The following CADM2 variants were observed in gnomAD, a reference collection of about 807,000 sequenced individuals.
The protein encoded by CADM2 is immunoglobulin superfamily member 4D.
A neutral mutation model predicts 49.8 loss-of-function variants in CADM2; 12 were observed. The ratio of observed to expected loss-of-function variants is 0.24; its 90% CI spans 0.15 to 0.39. The LOEUF is 0.39. CADM2 is among the 10% of genes least tolerant of loss of function. CADM2 has a pLI of 1.00. For missense variants in CADM2, 378 were observed against 492.3 expected, an observed-to-expected ratio of 0.77 and a Z score of 2.20; for synonymous variants, 214 against 175.4, an observed-to-expected ratio of 1.22 and a Z score of -1.74.
At chr3:85,205,016 TA>T (rs1287744935) in intron 1 of CADM2, among the ~76,000 whole-genome samples, 3 of 150,668 alleles carry the variant, frequency 2.0e-5, no homozygotes, top group African/African-American at 4.9e-5. Flanking sequence ...CTACTTTACT[TA>T]ATTTTTTTTT....
At position 85,044,140 on chromosome 3, in the gene CADM2, T is replaced by C. The variant is rs187561276; in HGVS notation, c.61+84472T>C. Among the ~76,000 whole-genome samples the C allele has an allele frequency of 2.6e-5, 4 of 152,274 alleles. No homozygotes were observed. The East Asian group carries it at 7.7e-4, about 29-fold the overall frequency. ...TATTGCCAACCAAAACATCTGTCCT[T>C]CCACCTAATACTACAAATGATCCTG... On this transcript the variant is annotated intron_variant, in intron 1 of 9. Coordinates refer to ENST00000383699, the MANE Select transcript of CADM2 (RefSeq NM_001167675.2).
chr3:85,042,775 T>G (rs2035493976), intron 1 of CADM2, among the ~76,000 whole-genome samples: 1 of 152,154 alleles, frequency 6.6e-6, no homozygotes, highest in Non-Finnish European at 1.5e-5. Context: ...AAGAAAGGTA[T>G]TATAAAATGG....
intron 1 of CADM2, among the ~76,000 whole-genome samples, chr3:85,581,202 AC>A (rs1411052929): frequency 6.6e-6 from 1 of 152,126 alleles, no homozygotes; most frequent in Non-Finnish European, 1.5e-5. Context: ...TTCTTTTAAA[AC>A]TTTTCAATGT....
chr3:85,764,178 T>C (rs940738166), intron 2 of CADM2, among the ~76,000 whole-genome samples: 1 of 143,846 alleles, frequency 7.0e-6, no homozygotes, highest in African/African-American at 2.4e-5. Flanking sequence ...AGTACTATAT[T>C]ATAAGGATTT....
chr3:85,424,905 C>G (rs976127610), intron 1 of CADM2, among the ~76,000 whole-genome samples: 3 of 151,946 alleles, frequency 2.0e-5, no homozygotes, highest in Non-Finnish European at 2.9e-5. Context: ...TATATACTAG[C>G]CTTGATATAA....
intron 1 of CADM2, among the ~76,000 whole-genome samples, chr3:85,484,304 C>G (rs1417848707): frequency 1.3e-5 from 2 of 151,882 alleles, no homozygotes; most frequent in Admixed American, 6.6e-5. Flanking sequence ...TCTGTATTAA[C>G]ACAGGAATAA....
intron 1 of CADM2, among the ~76,000 whole-genome samples, chr3:85,201,667 G>T (rs1255711952): frequency 6.6e-6 from 1 of 152,154 alleles, no homozygotes; most frequent in Non-Finnish European, 1.5e-5. Context: ...CCCTACCACT[G>T]CTTTGATAGC....
intron 1 of CADM2, among the ~76,000 whole-genome samples, chr3:85,078,985 C>G (rs540456453): frequency 1.7e-4 from 26 of 151,702 alleles, no homozygotes; most frequent in Non-Finnish European, 2.7e-4. Flanking sequence ...TATAAGTGAT[C>G]TCATTTTACT....
chr3:85,043,028 A>G (rs2035502983), intron 1 of CADM2, among the ~76,000 whole-genome samples: 1 of 152,144 alleles, frequency 6.6e-6, no homozygotes, highest in African/African-American at 2.4e-5. Context: ...AAATGACAAC[A>G]CAAAGGCATT....
At chr3:85,164,603 A>G (rs1157008613) in intron 1 of CADM2, among the ~76,000 whole-genome samples, 1 of 152,042 alleles carries the variant, frequency 6.6e-6, no homozygotes, top group African/African-American at 2.4e-5. Context: ...TTAGGCAGAC[A>G]TCTCCTGAGA....
At chr3:84,975,772 T>C (rs1219587036) in intron 1 of CADM2, among the ~76,000 whole-genome samples, 1 of 151,884 alleles carries the variant, frequency 6.6e-6, no homozygotes, top group African/African-American at 2.4e-5. Flanking sequence ...AATTTCAAAA[T>C]GCTTCCACAG....
Position 86,067,573 on chromosome 3 carries a change from A to G in CADM2, c.*790A>G, listed in dbSNP as rs1302141172. On this transcript the variant is annotated 3_prime_UTR_variant, in exon 10 of 10. Transcript: ENST00000383699. ...ATTCATTTCTCTAATTTGATTCTAT[A>G]ATTTATTTGCTTCATAAAGATTCAC... 1 of 152,520 alleles carries G rather than the reference A, an allele frequency of 6.6e-6. No homozygotes were observed. Among genetic ancestry groups the G allele is most frequent in the Non-Finnish European group, 1.5e-5 (1 of 67,946 alleles). The allele number at this position is 152,520 out of a possible 1,614,324, so 9.4% of individuals were successfully genotyped here.
At chr3:85,501,867 C>T (rs912898042) in intron 1 of CADM2, among the ~76,000 whole-genome samples, 1 of 152,004 alleles carries the variant, frequency 6.6e-6, no homozygotes, top group South Asian at 2.1e-4. Flanking sequence ...TTTGAAAAGC[C>T]AATTAAAACA....
intron 2 of CADM2, among the ~76,000 whole-genome samples, chr3:85,736,782 G>A (rs1452714534): frequency 1.3e-5 from 2 of 152,074 alleles, no homozygotes; most frequent in Non-Finnish European, 2.9e-5. Context: ...AAGATCACTG[G>A]CTGCTCATGA....
At chr3:86,049,544 A>G (rs921394883) in intron 8 of CADM2, among the ~76,000 whole-genome samples, 2 of 152,088 alleles carry the variant, frequency 1.3e-5, no homozygotes, top group African/African-American at 2.4e-5. Flanking sequence ...TACAGGCGTG[A>G]GCCACCGTGC....
intron 1 of CADM2, among the ~76,000 whole-genome samples, chr3:85,191,885 A>G (rs1032178354): frequency 1.3e-5 from 2 of 151,936 alleles, no homozygotes; most frequent in African/African-American, 4.8e-5. Flanking sequence ...TTCCACATGT[A>G]GGGTCAGCAA....
At chr3:85,424,545 A>T (rs2036315368) in intron 1 of CADM2, among the ~76,000 whole-genome samples, 3 of 152,100 alleles carry the variant, frequency 2.0e-5, no homozygotes, top group African/African-American at 7.2e-5. Context: ...ACCCCAATTG[A>T]TGGGCTCTAA....
chr3:85,893,762 G>A (rs577380471), intron 5 of CADM2, among the ~76,000 whole-genome samples: 17 of 152,240 alleles, frequency 1.1e-4, no homozygotes, highest in African/African-American at 4.1e-4. Flanking sequence ...ATCATCACTG[G>A]CCATCAGAGA....
chr3:85,711,362 A>G (rs1454062415), intron 1 of CADM2, among the ~76,000 whole-genome samples: 1 of 152,152 alleles, frequency 6.6e-6, no homozygotes, highest in African/African-American at 2.4e-5. Context: ...CACAAACACA[A>G]TTTGAAATTA....
Sources: allele counts gnomAD v4.1 joint callset (sites outside exome capture counted in the v4.1 genomes callset), GRCh38; gene constraint gnomAD v4.1.1; transcripts MANE v1.5; gene names NCBI Gene and HGNC (gene_info 2026-07-23, HGNC 2026-07-21).